MGST3: variants seen among roughly 807,000 people sequenced by gnomAD.
MGST3 encodes the protein microsomal glutathione S-transferase 3, also known as glutathione S-transferase 3, mitochondrial.
A neutral mutation model predicts 15.8 loss-of-function variants in MGST3; 13 were observed. The observed-to-expected ratio is 0.82, with a 90% CI of 0.54 to 1.31. The LOEUF is 1.31. Ranked by LOEUF, MGST3 falls within the 50% of genes most tolerant of loss-of-function variation. The probability of loss-of-function intolerance (pLI) is 0.00; values close to 1 mark genes in which losing one functional copy is unlikely to be tolerated. For missense variants in MGST3, 155 were observed against 192.4 expected (o/e 0.81, Z 1.15); for synonymous variants, 49 against 68.1 (o/e 0.72, Z 1.38).
intron 1 of MGST3, among the ~76,000 whole-genome samples, chr1:165,638,471 TCAAAACAAAAA>T (rs1435388708): frequency 6.6e-6 from 1 of 151,682 alleles, no homozygotes; most frequent in Admixed American, 6.6e-5. Flanking sequence ...GGACCCTGTC[TCAAAACAAAAA>T]CAAAACAAAA....
intron 1 of MGST3, chr1:165,632,137 G>A (rs1475987655): frequency 1.9e-6 from 2 of 1,040,252 alleles, no homozygotes; most frequent in Non-Finnish European, 3.0e-6. Context: ...ATAGCGTCGG[G>A]GGCAAGTAAG....
rs1398323871 is a variant in MGST3, at chr1:165,653,991, TC to T, written c.250-284del. On this transcript the variant is annotated intron_variant, in intron 4 of 5. Transcript: ENST00000367889. ...CCTTCTCTTGAGCTCTGACACAAGT[TC>T]CCCAAGATGCCCAGGGCAAGTGGGG... is the stretch of plus-strand genomic sequence containing the variant. 8.2e-5 allele frequency: 35 copies of T among 425,440 alleles called. No individual in the cohort carries two copies. The East Asian group carries it at 1.7e-3, about 21-fold the overall frequency. The allele number at this position is 425,440 out of a possible 1,614,324, so 26.4% of individuals were successfully genotyped here.
At chr1:165,650,577 C>T in intron 2 of MGST3, 1 of 184,298 alleles carries the variant, frequency 5.4e-6, no homozygotes, top group Non-Finnish European at 1.2e-5. Context: ...TTTTCCCTTC[C>T]AGTGGACACT....
intron 1 of MGST3, among the ~76,000 whole-genome samples, chr1:165,642,552 C>T (rs777439974): frequency 9.8e-5 from 15 of 152,290 alleles, no homozygotes; most frequent in South Asian, 2.1e-4. Flanking sequence ...CAAACATCCC[C>T]GTTGAGTCAG....
chr1:165,654,121 T>C (rs1648639208), intron 4 of MGST3, 158 bp from the exon 5 acceptor site: 1 of 719,938 alleles, frequency 1.4e-6, no homozygotes, highest in Non-Finnish European at 2.5e-6. Context: ...ATTTTCCCGC[T>C]GAAACTAACT....
chr1:165,634,801 C>CCCT (rs1648065931), intron 1 of MGST3, among the ~76,000 whole-genome samples: 1 of 128,960 alleles, frequency 7.8e-6, no homozygotes, highest in Non-Finnish European at 1.7e-5. Context: ...CCCTCCCCCC[C>CCCT]ACTCTCAACT....
chr1:165,639,009 AT>A (rs67086191), intron 1 of MGST3, among the ~76,000 whole-genome samples: 32,860 of 150,962 alleles, frequency 0.22, 4,665 homozygotes, highest in African/African-American at 0.4. Context: ...AGAAAAAAAA[AT>A]AAATAAAAGA....
chr1:165,641,084 G>A (rs1349121825), intron 1 of MGST3, among the ~76,000 whole-genome samples: 2 of 152,090 alleles, frequency 1.3e-5, no homozygotes, highest in Non-Finnish European at 2.9e-5. Flanking sequence ...TCGGGAGGCT[G>A]AGGAAGGAGA....
chr1:165,638,809 A>C (rs945296824), intron 1 of MGST3, among the ~76,000 whole-genome samples: 6 of 151,262 alleles, frequency 4.0e-5, no homozygotes, highest in African/African-American at 9.8e-5. Flanking sequence ...AAAAAAAAAA[A>C]CCCACATTCT....
chr1:165,632,984 ATG>A (rs1647994190), intron 1 of MGST3, among the ~76,000 whole-genome samples: 1 of 152,256 alleles, frequency 6.6e-6, no homozygotes, highest in Non-Finnish European at 1.5e-5. Context: ...ATTGTGCCCT[ATG>A]TTTATACTTA....
chr1:165,654,099 C>T lies in MGST3; in HGVS notation c.250-180C>T, dbSNP rs1240085155. 8 of 634,756 alleles carry T rather than the reference C, an allele frequency of 1.3e-5. No individual in the cohort carries two copies. In the East Asian group the frequency reaches 2.3e-4, roughly 19 times the overall value. 39.3% of individuals were successfully genotyped at this position (634,756 alleles called of 1,614,324 possible). Reference sequence around the variant, plus strand: ...CAAGCCAAGCCATTCATAGAAGAATCACAGATATTTTATTTTCCCGCTGAA... The same window carrying T: ...CAAGCCAAGCCATTCATAGAAGAATTACAGATATTTTATTTTCCCGCTGAA... On this transcript the variant is annotated intron_variant, in intron 4 of 5. Coordinates refer to ENST00000367889, the MANE Select transcript of MGST3 (RefSeq NM_004528.4).
chr1:165,644,936 T>G (rs892122699), intron 1 of MGST3, among the ~76,000 whole-genome samples: 1 of 152,058 alleles, frequency 6.6e-6, no homozygotes, highest in Non-Finnish European at 1.5e-5. Flanking sequence ...TTTTTTTATA[T>G]TTTTAGTAGA....
chr1:165,638,229 A>C (rs928924586), intron 1 of MGST3, among the ~76,000 whole-genome samples: 4 of 152,354 alleles, frequency 2.6e-5, no homozygotes, highest in Non-Finnish European at 5.9e-5. Context: ...CTCTTATCCC[A>C]GCACTTTGGG....
intron 1 of MGST3, 109 bp from the exon 2 acceptor site, chr1:165,649,730 TGG>T: frequency 7.8e-7 from 1 of 1,274,800 alleles, no homozygotes; most frequent in South Asian, 1.2e-5. Flanking sequence ...TACCTTTTTT[TGG>T]TCTCTATTTA....
chr1:165,634,116 G>A (rs993549008), intron 1 of MGST3, among the ~76,000 whole-genome samples: 2 of 144,910 alleles, frequency 1.4e-5, no homozygotes, highest in Admixed American at 7.1e-5. Flanking sequence ...CTCTCTTCTT[G>A]TTAATGTATT....
chr1:165,652,140 G>A, intron 4 of MGST3, 105 bp downstream of exon 4: 1 of 836,104 alleles, frequency 1.2e-6, no homozygotes. Flanking sequence ...TCAGTGTCTA[G>A]GCACTGCATA....
At chr1:165,637,715 T>A (rs1362334347) in intron 1 of MGST3, among the ~76,000 whole-genome samples, 1 of 152,194 alleles carries the variant, frequency 6.6e-6, no homozygotes, top group African/African-American at 2.4e-5. Context: ...TCAGTAAAAT[T>A]TCTAGAGGTT....
intron 1 of MGST3, among the ~76,000 whole-genome samples, chr1:165,631,529 A>G (rs9333372): frequency 0.15 from 22,572 of 152,012 alleles, 2,251 homozygotes; most frequent in African/African-American, 0.28. Flanking sequence ...GCGAGGCCCG[A>G]CCTATTTATG....
At chr1:165,639,029 T>C (rs1186623578) in intron 1 of MGST3, among the ~76,000 whole-genome samples, 1 of 152,126 alleles carries the variant, frequency 6.6e-6, no homozygotes, top group Non-Finnish European at 1.5e-5. Flanking sequence ...GACATCCACA[T>C]TGGAAAGGAA....
Sources: allele counts gnomAD v4.1 joint callset (sites outside exome capture counted in the v4.1 genomes callset), GRCh38; gene constraint gnomAD v4.1.1; transcripts MANE v1.5; gene names NCBI Gene and HGNC (gene_info 2026-07-23, HGNC 2026-07-21).